Variants in PLEKHG7 observed in about 807,000 individuals in gnomAD.
PLEKHG7 encodes the protein pleckstrin homology domain-containing family G member 7.
A neutral mutation model predicts 85.2 loss-of-function variants in PLEKHG7; 77 were observed. The observed-to-expected ratio is 0.90, with a 90% CI of 0.75 to 1.09. PLEKHG7 has a LOEUF of 1.09. Ranked by LOEUF, PLEKHG7 falls within the 50% of genes least tolerant of loss-of-function variation. The pLI, the probability that PLEKHG7 is intolerant of heterozygous loss-of-function variation, is 0.00. For missense variants in PLEKHG7, 777 were observed against 804.3 expected (o/e 0.97, Z 0.41); for synonymous variants, 301 against 302.4 (o/e 1.00, Z 0.05).
intron 3 of PLEKHG7, among the ~76,000 whole-genome samples, chr12:92,717,489 G>A (rs73215797): frequency 0.023 from 3,488 of 152,272 alleles, 55 homozygotes; most frequent in Non-Finnish European, 0.034. Context: ...TTGAAACTTC[G>A]ATGTTTTTAA....
At chr12:92,720,078 T>G (rs1021032722) in intron 3 of PLEKHG7, among the ~76,000 whole-genome samples, 13 of 152,242 alleles carry the variant, frequency 8.5e-5, no homozygotes, top group African/African-American at 3.1e-4. Flanking sequence ...CTGTGGCTGC[T>G]ATGATAAATT....
chr12:92,749,969 A>AT (rs1458816143), intron 10 of PLEKHG7, among the ~76,000 whole-genome samples: 2 of 72,174 alleles, frequency 2.8e-5, no homozygotes, highest in African/African-American at 1.1e-4. Context: ...ATTTTATTTT[A>AT]TATTTTATTT....
At chr12:92,733,539 A>AGAC (rs1872052265) in intron 5 of PLEKHG7, among the ~76,000 whole-genome samples, 1 of 152,192 alleles carries the variant, frequency 6.6e-6, no homozygotes, top group African/African-American at 2.4e-5. Flanking sequence ...AGTCATTTAG[A>AGAC]GACGTGCTTT....
At chr12:92,721,951 G>T (rs1871661234) in intron 3 of PLEKHG7, among the ~76,000 whole-genome samples, 2 of 151,658 alleles carry the variant, frequency 1.3e-5, no homozygotes, top group South Asian at 4.2e-4. Context: ...ACCCCACACA[G>T]ACACCACTTT....
chr12:92,761,195 C>T (rs971006094), intron 13 of PLEKHG7, among the ~76,000 whole-genome samples: 11 of 152,186 alleles, frequency 7.2e-5, no homozygotes, highest in African/African-American at 2.7e-4. Flanking sequence ...TAGCATAATT[C>T]ATAGCAGTGA....
chr12:92,721,870 C>T (rs899100445), intron 3 of PLEKHG7, among the ~76,000 whole-genome samples: 30 of 152,028 alleles, frequency 2.0e-4, no homozygotes, highest in African/African-American at 7.3e-4. Flanking sequence ...TATTCACCAG[C>T]TTAGTCCTCC....
chr12:92,726,187 G>T (rs1871811362), intron 3 of PLEKHG7, among the ~76,000 whole-genome samples: 1 of 152,180 alleles, frequency 6.6e-6, no homozygotes, highest in African/African-American at 2.4e-5. Flanking sequence ...CATGGAACTT[G>T]GCTGCAGAGC....
At chr12:92,767,678 A>C (rs1436330433) in intron 15 of PLEKHG7, among the ~76,000 whole-genome samples, 1 of 152,230 alleles carries the variant, frequency 6.6e-6, no homozygotes, top group Admixed American at 6.5e-5. Flanking sequence ...TCTTGCAGTT[A>C]AGAAAATAAG....
At chr12:92,740,662 A>G (rs975304093) in intron 7 of PLEKHG7, among the ~76,000 whole-genome samples, 191 bp from the exon 8 acceptor site, 2 of 152,194 alleles carry the variant, frequency 1.3e-5, no homozygotes, top group Admixed American at 1.3e-4. Flanking sequence ...TGAAAAGCTC[A>G]TTTCCAATAT....
intron 3 of PLEKHG7, chr12:92,708,180 A>T (rs1467886025): frequency 6.5e-6 from 1 of 153,288 alleles, no homozygotes; most frequent in East Asian, 1.9e-4. Flanking sequence ...CCCTGGTTGT[A>T]GCAATGGATC....
At chr12:92,720,231 C>T (rs775574631) in intron 3 of PLEKHG7, among the ~76,000 whole-genome samples, 1 of 152,110 alleles carries the variant, frequency 6.6e-6, no homozygotes, top group African/African-American at 2.4e-5. Flanking sequence ...TTCATCCAGG[C>T]GTTCATTGGC....
At chr12:92,714,504 A>G (rs955636882) in intron 3 of PLEKHG7, among the ~76,000 whole-genome samples, 4 of 152,168 alleles carry the variant, frequency 2.6e-5, no homozygotes, top group African/African-American at 4.8e-5. Context: ...CTACTCACAT[A>G]ATAAGAGCTT....
chr12:92,751,747 G>T (rs1872695952), intron 10 of PLEKHG7, among the ~76,000 whole-genome samples: 1 of 152,016 alleles, frequency 6.6e-6, no homozygotes, highest in African/African-American at 2.4e-5. Flanking sequence ...GCTGAGCCAG[G>T]TACTATGGCT....
In PLEKHG7 at chr12:92,733,816, C is replaced by A. The variant is rs12322911; in HGVS notation, c.699+1543C>A. Among the ~76,000 whole-genome samples, 269 of 152,256 alleles carry A rather than the reference C, an allele frequency of 1.8e-3. 2 individuals carry two copies. The highest frequency in any genetic ancestry group is 6.4e-3 in the African/African-American group (264 of 41,554). On this transcript the variant is annotated intron_variant, in intron 5 of 16. Coordinates refer to ENST00000344636, the MANE Select transcript of PLEKHG7 (RefSeq NM_001377329.1). ...TGTTGGGATTGATCCATTCTTTTCC[C>A]CAAAAAGAAGCAACTTGTTCTACAC...
intron 14 of PLEKHG7, among the ~76,000 whole-genome samples, chr12:92,763,401 A>G (rs932902202): frequency 6.6e-6 from 1 of 152,194 alleles, no homozygotes; most frequent in African/African-American, 2.4e-5. Context: ...CGAACTCAAT[A>G]CTATAGAGAG....
intron 15 of PLEKHG7, among the ~76,000 whole-genome samples, chr12:92,764,767 A>G (rs1043181099): frequency 6.6e-6 from 1 of 152,160 alleles, no homozygotes; most frequent in Non-Finnish European, 1.5e-5. Flanking sequence ...CCTGAGACCC[A>G]GGAACTCAGC....
chr12:92,761,778 C>CTGTT lies in PLEKHG7; in HGVS notation c.1665_1668dup (p.Leu557ValfsTer5). 1 of 1,577,968 alleles carries CTGTT rather than the reference C, an allele frequency of 6.3e-7. No homozygotes were observed. The highest frequency in any genetic ancestry group is 1.9e-5 in the Admixed American group (1 of 52,378). ...AAGCACGAGATTCCTAGATGTTTAT[C>CTGTT]TGTTTCTCTTCAATGATTTCCTCTT... On this transcript the variant is annotated frameshift_variant, in exon 14 of 17. Transcript: ENST00000344636. LOFTEE classifies it high-confidence loss of function.
chr12:92,756,212 G>T, intron 12 of PLEKHG7, 86 bp from the exon 13 acceptor site: 1 of 985,742 alleles, frequency 1.0e-6, no homozygotes, highest in South Asian at 1.5e-5. Context: ...GAACTTTCTA[G>T]ATGGAGTTAA....
At chr12:92,737,619 G>A (rs1872198460) in intron 7 of PLEKHG7, 98 bp downstream of exon 7, 1 of 1,178,422 alleles carries the variant, frequency 8.5e-7, no homozygotes. Context: ...AAAAGAAAGA[G>A]AGAAAAGAAA....
Sources: allele counts gnomAD v4.1 joint callset (sites outside exome capture counted in the v4.1 genomes callset), GRCh38; gene constraint gnomAD v4.1.1; transcripts MANE v1.5; gene names NCBI Gene and HGNC (gene_info 2026-07-23, HGNC 2026-07-21).